Variants in ZNF331 observed in about 807,000 individuals in gnomAD.
The protein encoded by ZNF331 is C2H2-like zinc finger protein rearranged in thyroid adenomas.
In ZNF331, 2 loss-of-function variants were observed where a neutral mutation model predicts 7.0. The observed-to-expected ratio is 0.29, with a 90% CI of 0.12 to 0.90. The LOEUF is 0.90. ZNF331 is among the 40% of genes least tolerant of loss of function. ZNF331 has a pLI of 0.58. For missense variants in ZNF331, 432 were observed against 587.7 expected, an observed-to-expected ratio of 0.74 and a Z score of 2.74; for synonymous variants, 196 against 205.4, an observed-to-expected ratio of 0.95 and a Z score of 0.39.
chr19:53,511,485 A>G, the ZNF331 span, among the ~76,000 whole-genome samples: 2 of 152,122 alleles, frequency 1.3e-5, no homozygotes, highest in Non-Finnish European at 2.9e-5. Context: ...CAAGTAAATC[A>G]TATGAGCCAA....
chr19:53,558,326 A>G lies in ZNF331; in HGVS notation c.-74+2418A>G, dbSNP rs1375945268. Among the ~76,000 whole-genome samples, 1 of 152,174 alleles carries G rather than the reference A, an allele frequency of 6.6e-6. No individual in the cohort carries two copies. Among genetic ancestry groups the G allele is most frequent in the Non-Finnish European group, 1.5e-5 (1 of 68,026 alleles). On this transcript the variant is annotated intron_variant, in intron 3 of 5. Coordinates refer to ENST00000449416, the MANE Select transcript of ZNF331 (RefSeq NM_001079906.2). The surrounding 1 kb of genome is among the most constrained non-coding windows in gnomAD (Gnocchi z 4.5). ...CTAGGGTTGGAAGAGTCCCAAGCAC[A>G]GGAGCTTCTGTTCCCGTGGAATTGG...
intron 3 of ZNF331, among the ~76,000 whole-genome samples, chr19:53,561,199 CCATT>C (rs1344330530): frequency 2.6e-5 from 4 of 152,072 alleles, no homozygotes; most frequent in African/African-American, 7.2e-5. Flanking sequence ...GCAGGCCTAT[CCATT>C]CAGAGTTTCC....
At chr19:53,533,818 T>C (rs2087635167), upstream of ZNF331, among the ~76,000 whole-genome samples, 1 of 152,204 alleles carries the variant, frequency 6.6e-6, no homozygotes, top group Admixed American at 6.5e-5. Flanking sequence ...TTGAACAACA[T>C]GGAGCTGGGG....
At chr19:53,529,545 C>T (rs2147259783) in intron 2 of ZNF331, among the ~76,000 whole-genome samples, 1 of 152,264 alleles carries the variant, frequency 6.6e-6, no homozygotes, top group East Asian at 1.9e-4. Context: ...ATCTCTCTCG[C>T]TGTATTGTTT....
At position 53,569,324 on chromosome 19, in the gene ZNF331, T is replaced by C; in HGVS notation, c.-53T>C. On this transcript the variant is annotated 5_prime_UTR_variant, in exon 4 of 6. Coordinates refer to ENST00000449416, the MANE Select transcript of ZNF331 (RefSeq NM_001079906.2). Reference sequence around the variant, plus strand: ...CCTAGCTCTAGCCTCTCGGAATTTGTCTTCTTCAGTGGAAACCCCGAGAAG... The same window carrying C: ...CCTAGCTCTAGCCTCTCGGAATTTGCCTTCTTCAGTGGAAACCCCGAGAAG... 13 of 1,608,680 alleles carry C rather than the reference T, an allele frequency of 8.1e-6. No individual in the cohort carries two copies. Among genetic ancestry groups the C allele is most frequent in the African/African-American group, 1.3e-5 (1 of 74,838 alleles).
the ZNF331 span, among the ~76,000 whole-genome samples, chr19:53,504,641 A>G: frequency 2.0e-5 from 3 of 152,220 alleles, no homozygotes; most frequent in Non-Finnish European, 4.4e-5. Flanking sequence ...TCTTGCTGTC[A>G]TTTTCGTGAT....
At chr19:53,521,331 A>AGTGTGTGTGTGT (rs755487590) in exon 1 of ZNF331, 92 of 129,214 alleles carry the variant, frequency 7.1e-4, no homozygotes, top group African/African-American at 1.3e-3. Flanking sequence ...AGTGTGTGTG[A>AGTGTGTGTGTGT]GTGTGTGTGT....
chr19:53,528,086 C>T (rs914401112), intron 2 of ZNF331, among the ~76,000 whole-genome samples: 3 of 152,214 alleles, frequency 2.0e-5, no homozygotes, highest in Non-Finnish European at 4.4e-5. Flanking sequence ...ACACATGATT[C>T]AGTCTCTTGC....
intron 2 of ZNF331, among the ~76,000 whole-genome samples, chr19:53,529,077 G>A (rs1016552756): frequency 7.9e-5 from 12 of 152,204 alleles, no homozygotes; most frequent in African/African-American, 1.9e-4. Flanking sequence ...ATGAGCCACC[G>A]CACCCAACCT....
chr19:53,511,745 T>G, the ZNF331 span, among the ~76,000 whole-genome samples: 1 of 152,108 alleles, frequency 6.6e-6, no homozygotes, highest in Non-Finnish European at 1.5e-5. Context: ...TAAATATATA[T>G]ATTTATTTTT....
At chr19:53,511,012 C>A in the ZNF331 span, among the ~76,000 whole-genome samples, 1 of 152,070 alleles carries the variant, frequency 6.6e-6, no homozygotes, top group African/African-American at 2.4e-5. Flanking sequence ...GTCATGGGTT[C>A]AAACTGATTC....
upstream of ZNF331, chr19:53,537,798 G>A (rs1222081327): frequency 6.6e-6 from 1 of 152,150 alleles, no homozygotes; most frequent in Non-Finnish European, 1.5e-5. Context: ...GGAAAGGGAT[G>A]GGAGGGGTGC....
chr19:53,544,450 C>T (rs1275687087), intron 2 of ZNF331, among the ~76,000 whole-genome samples: 1 of 148,034 alleles, frequency 6.8e-6, no homozygotes, highest in Non-Finnish European at 1.5e-5. Flanking sequence ...GAGGCTGAGG[C>T]AGGAGAATGG....
At position 53,573,227 on chromosome 19, in the gene ZNF331, T is replaced by TA. The variant is rs766945624; in HGVS notation, c.136+1503dup. ...AAGCGAGACTCTGTCTCAAAAATAATAAAAAATAAGGCCGGGTGCGGTGGC... is the reference window on the plus strand; with the variant it reads ...AAGCGAGACTCTGTCTCAAAAATAATAAAAAAATAAGGCCGGGTGCGGTGGC... On this transcript the variant is annotated intron_variant, in intron 5 of 5. Coordinates refer to ENST00000449416, the MANE Select transcript of ZNF331 (RefSeq NM_001079906.2). This position sits in a 1 kb window ranked among gnomAD's most constrained non-coding sequence, Gnocchi z 4.2. 6.7e-4 allele frequency among the ~76,000 whole-genome samples: 102 copies of TA among 151,414 alleles called. No homozygotes were observed. The highest frequency in any genetic ancestry group is 1.3e-3 in the Non-Finnish European group (90 of 67,808).
upstream of ZNF331, among the ~76,000 whole-genome samples, chr19:53,535,384 C>T (rs1039082789): frequency 6.6e-5 from 10 of 152,078 alleles, no homozygotes; most frequent in South Asian, 2.1e-4. Context: ...AAGCCACTGT[C>T]CGGCCGTAAT....
chr19:53,524,405 C>G (rs1397878566), intron 2 of ZNF331, among the ~76,000 whole-genome samples: 1 of 152,322 alleles, frequency 6.6e-6, no homozygotes, highest in South Asian at 2.1e-4. Flanking sequence ...TCCTGTTTCT[C>G]CACATCCTCT....
Position 53,539,940 on chromosome 19 carries a change from A to G in ZNF331, c.-138+658A>G, listed in dbSNP as rs1031403267. Among the ~76,000 whole-genome samples the G allele has an allele frequency of 1.3e-5, 2 of 152,240 alleles. No individual in the cohort carries two copies. Among genetic ancestry groups the G allele is most frequent in the African/African-American group, 2.4e-5 (1 of 41,468 alleles). ...GTTTAGTTATAACCGTAAGAAAGAAAAATGCACCTGACATAATATTAAACA... is the reference window on the plus strand; with the variant it reads ...GTTTAGTTATAACCGTAAGAAAGAAGAATGCACCTGACATAATATTAAACA... On this transcript the variant is annotated intron_variant, in intron 2 of 5. Transcript: ENST00000449416. This position sits in a 1 kb window ranked among gnomAD's most constrained non-coding sequence, Gnocchi z 6.1.
chr19:53,519,609 C>A (rs987127384), upstream of ZNF331, among the ~76,000 whole-genome samples: 8 of 152,226 alleles, frequency 5.3e-5, no homozygotes, highest in Admixed American at 2.6e-4. Flanking sequence ...TCCTGCCGGG[C>A]AGCAAGCCAT....
chr19:53,546,997 A>G (rs2088659502), intron 2 of ZNF331, among the ~76,000 whole-genome samples: 1 of 152,134 alleles, frequency 6.6e-6, no homozygotes, highest in Non-Finnish European at 1.5e-5. Flanking sequence ...TGGTCTACAG[A>G]GGCTTTGATC....
Sources: allele counts gnomAD v4.1 joint callset (sites outside exome capture counted in the v4.1 genomes callset), GRCh38; gene constraint gnomAD v4.1.1; non-coding constraint Gnocchi (gnomAD v3.1); transcripts MANE v1.5; gene names NCBI Gene and HGNC (gene_info 2026-07-23, HGNC 2026-07-21).